The following ASXL2 variants were observed in gnomAD, a reference collection of about 807,000 sequenced individuals.
ASXL2 encodes putative Polycomb group protein ASXL2.
Under a neutral mutation model 122.0 loss-of-function variants are expected in ASXL2, and 23 were observed. That is an observed-to-expected ratio of 0.19 (90% CI 0.14 to 0.27). The LOEUF is 0.27. Ranked by LOEUF, ASXL2 falls within the 10% of genes least tolerant of loss-of-function variation. The pLI is 1.00. For missense variants in ASXL2, 1,518 were observed against 1,713.8 expected (o/e 0.89, Z 2.02); for synonymous variants, 650 against 637.0 (o/e 1.02, Z -0.31).
At chr2:25,864,898 C>T (rs1230228794) in intron 1 of ASXL2, among the ~76,000 whole-genome samples, 1 of 151,288 alleles carries the variant, frequency 6.6e-6, no homozygotes, top group East Asian at 2.0e-4. Context: ...ATAGCGCGAT[C>T]TCAGCTCACT....
chr2:25,825,625 T>C (rs1239099936), intron 3 of ASXL2, among the ~76,000 whole-genome samples: 1 of 152,200 alleles, frequency 6.6e-6, no homozygotes, highest in Non-Finnish European at 1.5e-5. Flanking sequence ...TTTTCCTTTC[T>C]TTTTAAAGCT....
At chr2:25,835,895 C>A (rs2089504717) in intron 2 of ASXL2, among the ~76,000 whole-genome samples, 1 of 152,172 alleles carries the variant, frequency 6.6e-6, no homozygotes, top group Non-Finnish European at 1.5e-5. Flanking sequence ...ATTTCAATTT[C>A]AAGGAGCCAT....
At chr2:25,772,639 G>C (rs2088474737) in intron 5 of ASXL2, among the ~76,000 whole-genome samples, 1 of 141,166 alleles carries the variant, frequency 7.1e-6, no homozygotes, top group Admixed American at 7.8e-5. Flanking sequence ...GCTGAGGGAA[G>C]AGAATCGCTT....
Position 25,878,394 on chromosome 2 carries a change from T to C in ASXL2, c.-172A>G. The C allele has an allele frequency of 1.9e-6, 1 of 536,348 alleles. No homozygotes were observed. Among genetic ancestry groups the C allele is most frequent in the Non-Finnish European group, 3.3e-6 (1 of 302,454 alleles). 33.2% of individuals were successfully genotyped at this position (536,348 alleles called of 1,614,324 possible). ...GCGGCGGGGGTGGTGCGCGGGGGGG[T>C]CTATGGGGCGGCCGGTCCTCTTGCT... On this transcript the variant is annotated 5_prime_UTR_variant, in exon 1 of 13. Transcript: ENST00000435504.
intron 2 of ASXL2, 118 bp downstream of exon 2, chr2:25,845,363 C>CA: frequency 7.4e-7 from 1 of 1,344,180 alleles, no homozygotes; most frequent in Non-Finnish European, 1.0e-6. Context: ...GACATCTGAT[C>CA]AGAACAAAGC....
Position 25,743,974 on chromosome 2 carries a change from G to A in ASXL2, c.2363C>T (p.Ala788Val). The change falls in exon 13 of 13, where the codon GCA (alanine) becomes GTA (valine). Residue 788 changes from alanine to valine, a missense_variant. By Grantham distance (64) the Ala-to-Val change is moderately conservative. Transcript: ENST00000435504. ...GGCTGGTGATGGGACACTTGTGCAT[G>A]CTCCACTGACGGCAGGTGTTGGAGG... Reference protein sequence around the residue: ...PVPPTPAVSGACTSVPSPAHI... With the variant: ...PVPPTPAVSGVCTSVPSPAHI... The A allele has an allele frequency of 6.2e-7, 1 of 1,614,012 alleles. No homozygotes were observed. The highest frequency in any genetic ancestry group is 8.5e-7 in the Non-Finnish European group (1 of 1,179,888).
In ASXL2 at chr2:25,741,907, T is replaced by G. The variant is rs910896270; in HGVS notation, c.*122A>C. ...ACTTTGTATTCCTGATTAAGTAACA[T>G]TTGTCTCTGAAGACAACTGAAACCT... On this transcript the variant is annotated 3_prime_UTR_variant, in exon 13 of 13. Transcript: ENST00000435504. 1 of 936,810 alleles carries G rather than the reference T, an allele frequency of 1.1e-6. No homozygotes were observed. Among genetic ancestry groups the G allele is most frequent in the African/African-American group, 1.7e-5 (1 of 60,596 alleles). 58.0% of individuals were successfully genotyped at this position (936,810 alleles called of 1,614,324 possible). A position where few individuals can be genotyped will look rare whatever the true frequency, so the allele number is the denominator to read the frequency against.
At chr2:25,747,230 A>G (rs2087957503) in intron 12 of ASXL2, among the ~76,000 whole-genome samples, 3 of 152,216 alleles carry the variant, frequency 2.0e-5, no homozygotes, top group Non-Finnish European at 4.4e-5. Flanking sequence ...TGTAAAACAT[A>G]TAATGTGCAT....
chr2:25,807,067 A>T (rs972812052), intron 3 of ASXL2, among the ~76,000 whole-genome samples: 1 of 152,210 alleles, frequency 6.6e-6, no homozygotes, highest in African/African-American at 2.4e-5. Flanking sequence ...CATACTTCAC[A>T]TAAGAAAAAA....
chr2:25,788,390 A>C (rs2088780767), intron 5 of ASXL2, among the ~76,000 whole-genome samples: 1 of 152,212 alleles, frequency 6.6e-6, no homozygotes, highest in Non-Finnish European at 1.5e-5. Flanking sequence ...ATGAACATTT[A>C]GGTTATTTTT....
At chr2:25,815,257 G>T (rs1309112032) in intron 3 of ASXL2, among the ~76,000 whole-genome samples, 1 of 151,914 alleles carries the variant, frequency 6.6e-6, no homozygotes, top group Admixed American at 6.6e-5. Context: ...ATCTGACCTT[G>T]ACCAAAATAA....
rs2087888076 is a variant in ASXL2, at chr2:25,743,763, T to C, written c.2574A>G (p.Lys858=). Residue 858 remains lysine (K), a synonymous_variant, in exon 13 of 13, where the codon AAA becomes AAG. Transcript: ENST00000435504. ...HCAADGTVEL[K]AGPSKNIPNP... Reference sequence around the variant, plus strand: ...TAGGTATATTCTTACTAGGACCTGCTTTGAGCTCAACTGTGCCATCAGCTG... The same window carrying C: ...TAGGTATATTCTTACTAGGACCTGCCTTGAGCTCAACTGTGCCATCAGCTG... 1 of 1,614,048 alleles carries C rather than the reference T, an allele frequency of 6.2e-7. No homozygotes were observed. Among genetic ancestry groups the C allele is most frequent in the Non-Finnish European group, 8.5e-7 (1 of 1,179,906 alleles).
chr2:25,781,447 G>A (rs2088635595), intron 5 of ASXL2, among the ~76,000 whole-genome samples: 1 of 151,672 alleles, frequency 6.6e-6, no homozygotes, highest in Non-Finnish European at 1.5e-5. Context: ...TTTTTTTGTT[G>A]TTGATGTTGT....
chr2:25,794,322 G>T (rs2088880691), intron 5 of ASXL2, among the ~76,000 whole-genome samples: 1 of 152,090 alleles, frequency 6.6e-6, no homozygotes, highest in Admixed American at 6.5e-5. Flanking sequence ...TTTTCTATCA[G>T]AAGATAAAAA....
chr2:25,877,232 T>C (rs888305147), intron 1 of ASXL2, among the ~76,000 whole-genome samples: 1 of 152,236 alleles, frequency 6.6e-6, no homozygotes, highest in African/African-American at 2.4e-5. Flanking sequence ...TGCTGCCGTT[T>C]AATGCCCTAT....
At chr2:25,765,198 T>C (rs939790428) in intron 8 of ASXL2, among the ~76,000 whole-genome samples, 4 of 152,174 alleles carry the variant, frequency 2.6e-5, no homozygotes, top group African/African-American at 7.2e-5. Context: ...AAAATAGTCA[T>C]TGTGTGGCTG....
intron 1 of ASXL2, among the ~76,000 whole-genome samples, chr2:25,853,673 CA>C (rs2089744414): frequency 6.6e-6 from 1 of 151,988 alleles, no homozygotes; most frequent in Non-Finnish European, 1.5e-5. Context: ...CTCTGTCGCC[CA>C]AGGTGGCATG....
At chr2:25,812,848 A>G (rs2089189050) in intron 3 of ASXL2, among the ~76,000 whole-genome samples, 1 of 152,234 alleles carries the variant, frequency 6.6e-6, no homozygotes, top group Non-Finnish European at 1.5e-5. Flanking sequence ...GGCAGCTAAA[A>G]GAGTGCTAAG....
At chr2:25,757,040 C>A (rs752372566) in intron 9 of ASXL2, among the ~76,000 whole-genome samples, 2 of 152,170 alleles carry the variant, frequency 1.3e-5, no homozygotes, top group African/African-American at 2.4e-5. Flanking sequence ...AATCTGCTTT[C>A]TGTATAACAA....
Sources: gnomAD v4.1 joint callset for allele counts (sites outside exome capture counted in the v4.1 genomes callset) on GRCh38, gnomAD v4.1.1 for gene constraint, MANE v1.5 for transcripts, NCBI Gene and HGNC (gene_info 2026-07-23, HGNC 2026-07-21) for gene names.